CELF4: variants seen among roughly 807,000 people sequenced by gnomAD.
CELF4 encodes CUG-BP- and ETR-3-like factor 4.
In CELF4, 18 loss-of-function variants were observed where a neutral mutation model predicts 59.9. The ratio of observed to expected loss-of-function variants is 0.30; its 90% CI spans 0.21 to 0.45. The LOEUF is 0.45. Ranked by LOEUF, CELF4 falls within the 20% of genes least tolerant of loss-of-function variation. CELF4 has a pLI of 1.00. For missense variants in CELF4, 456 were observed against 689.0 expected (o/e 0.66, Z 3.79); for synonymous variants, 261 against 267.1 (o/e 0.98, Z 0.22).
chr18:37,359,888 T>C (rs1458496825), intron 2 of CELF4, among the ~76,000 whole-genome samples: 2 of 147,656 alleles, frequency 1.4e-5, no homozygotes, highest in Non-Finnish European at 3.0e-5. Context: ...CTTGCTCTGT[T>C]GCCCAGGCTG....
chr18:37,469,851 G>A (rs1239921278), intron 2 of CELF4, among the ~76,000 whole-genome samples: 1 of 152,148 alleles, frequency 6.6e-6, no homozygotes, highest in Non-Finnish European at 1.5e-5. Flanking sequence ...CAGGCACGGT[G>A]CAGGCTGGAG....
chr18:37,453,053 G>A (rs183000779), intron 2 of CELF4, among the ~76,000 whole-genome samples: 244 of 152,304 alleles, frequency 1.6e-3, no homozygotes, highest in African/African-American at 5.8e-3. Flanking sequence ...TCACACACCT[G>A]CCTCAACTTC....
chr18:37,427,080 G>T (rs969889522), intron 2 of CELF4, among the ~76,000 whole-genome samples: 6 of 152,006 alleles, frequency 3.9e-5, no homozygotes, highest in African/African-American at 1.4e-4. Flanking sequence ...GCCCACCATG[G>T]CAGCAGCATA....
intron 1 of CELF4, among the ~76,000 whole-genome samples, chr18:37,493,629 TC>T: frequency 1.3e-5 from 2 of 151,026 alleles, no homozygotes; most frequent in Middle Eastern, 3.4e-3. Context: ...GAGCCATACG[TC>T]TTCCTCAGAG....
chr18:37,322,077 C>T (rs1458340955), intron 2 of CELF4, among the ~76,000 whole-genome samples, 196 bp from the exon 3 acceptor site: 1 of 152,234 alleles, frequency 6.6e-6, no homozygotes, highest in East Asian at 1.9e-4. Context: ...GGCCCCATGG[C>T]CCCATTCTTT....
At chr18:37,523,700 G>C (rs768876711) in intron 1 of CELF4, among the ~76,000 whole-genome samples, 4 of 152,198 alleles carry the variant, frequency 2.6e-5, no homozygotes, top group Non-Finnish European at 2.9e-5. Context: ...CCCCACTTAC[G>C]GAGATTTCTA....
At chr18:37,424,700 G>T (rs2099600821) in intron 2 of CELF4, among the ~76,000 whole-genome samples, 1 of 152,152 alleles carries the variant, frequency 6.6e-6, no homozygotes, top group Non-Finnish European at 1.5e-5. Context: ...CTTCCCTGCA[G>T]GTTCCCCAGC....
intron 2 of CELF4, among the ~76,000 whole-genome samples, chr18:37,408,731 G>T (rs1374334707): frequency 1.3e-5 from 2 of 152,200 alleles, no homozygotes; most frequent in Non-Finnish European, 2.9e-5. Flanking sequence ...TCTGGATTCA[G>T]GCTGGGGACA....
chr18:37,306,985 C>T (rs2096444890), intron 3 of CELF4, among the ~76,000 whole-genome samples: 2 of 152,204 alleles, frequency 1.3e-5, no homozygotes, highest in South Asian at 4.1e-4. Context: ...ACGTTTGCCA[C>T]CTCTGTGGTC....
At chr18:37,516,931 C>T (rs1190686881) in intron 1 of CELF4, among the ~76,000 whole-genome samples, 1 of 152,230 alleles carries the variant, frequency 6.6e-6, no homozygotes, top group Non-Finnish European at 1.5e-5. Flanking sequence ...TGCATTAGGA[C>T]AATAACATGG....
intron 1 of CELF4, among the ~76,000 whole-genome samples, chr18:37,561,973 G>A (rs1177214461): frequency 6.6e-6 from 1 of 152,094 alleles, no homozygotes; most frequent in East Asian, 1.9e-4. Flanking sequence ...TTCTTCCTTG[G>A]GTGTTGTTTC....
At chr18:37,546,259 A>G (rs969969393) in intron 1 of CELF4, among the ~76,000 whole-genome samples, 1 of 152,154 alleles carries the variant, frequency 6.6e-6, no homozygotes, top group Non-Finnish European at 1.5e-5. Context: ...GTATGAGCAT[A>G]CACGTCCGCA....
intron 8 of CELF4, among the ~76,000 whole-genome samples, chr18:37,268,583 A>G (rs2078866986): frequency 6.6e-6 from 1 of 152,234 alleles, no homozygotes; most frequent in Non-Finnish European, 1.5e-5. Flanking sequence ...TATGATGAAA[A>G]GAATGAATGA....
rs534637599 is a variant in CELF4, at chr18:37,336,520, G to C, written c.370-14639C>G. On this transcript the variant is annotated intron_variant, in intron 2 of 12. Transcript: ENST00000420428. ...TCTTAGCATGGCCTCCCCTCCACAA[G>C]CCCAGGCCCCCAGGACACCTCAGTG... Among the ~76,000 whole-genome samples the C allele has an allele frequency of 3.3e-5, 5 of 152,202 alleles. No individual in the cohort carries two copies. In the South Asian group the frequency reaches 8.3e-4, roughly 25 times the overall value.
In CELF4 at chr18:37,295,029, C is replaced by T. The variant is rs549609711; in HGVS notation, c.449-19786G>A. Among the ~76,000 whole-genome samples, 14 of 152,282 alleles carry T rather than the reference C, an allele frequency of 9.2e-5. No individual in the cohort carries two copies. In the South Asian group the frequency reaches 2.5e-3, roughly 27 times the overall value. On this transcript the variant is annotated intron_variant, in intron 3 of 12. Coordinates refer to ENST00000420428, the MANE Select transcript of CELF4 (RefSeq NM_020180.4). ...GACATGCAATGTGTTGTTTGTCTTT[C>T]TGGACCATGTAGGTGAACTGCAATT... is the stretch of plus-strand genomic sequence containing the variant.
chr18:37,423,616 G>T (rs1436437508), intron 2 of CELF4, among the ~76,000 whole-genome samples: 2 of 152,144 alleles, frequency 1.3e-5, no homozygotes, highest in Non-Finnish European at 2.9e-5. Flanking sequence ...GGTGGGCGAA[G>T]CTATTCTAGT....
At chr18:37,488,613 G>C (rs1339541675) in intron 1 of CELF4, among the ~76,000 whole-genome samples, 1 of 152,072 alleles carries the variant, frequency 6.6e-6, no homozygotes, top group South Asian at 2.1e-4. Context: ...AGAGCTCCCA[G>C]GAGCCTGTTG....
chr18:37,499,160 C>T (rs1221997921), intron 1 of CELF4, among the ~76,000 whole-genome samples: 1 of 152,052 alleles, frequency 6.6e-6, no homozygotes, highest in Non-Finnish European at 1.5e-5. Flanking sequence ...CAGCATGTGT[C>T]GGGGCTCAGA....
chr18:37,384,908 T>A (rs1274417202), intron 2 of CELF4, among the ~76,000 whole-genome samples: 3 of 152,176 alleles, frequency 2.0e-5, no homozygotes, highest in Non-Finnish European at 4.4e-5. Context: ...TGGACTCATA[T>A]CCCTCATTAA....
Sources: gnomAD v4.1 joint callset for allele counts (sites outside exome capture counted in the v4.1 genomes callset) on GRCh38, gnomAD v4.1.1 for gene constraint, MANE v1.5 for transcripts, NCBI Gene and HGNC (gene_info 2026-07-23, HGNC 2026-07-21) for gene names.